IMMP2L: variants seen among roughly 807,000 people sequenced by gnomAD.
IMMP2L encodes the protein mitochondrial inner membrane protease subunit 2.
A neutral mutation model predicts 19.3 loss-of-function variants in IMMP2L; 18 were observed. That is an observed-to-expected ratio of 0.93 (90% confidence interval 0.64 to 1.38). The LOEUF is 1.38. IMMP2L is among the 40% of genes most tolerant of loss of function. IMMP2L has a pLI of 0.00. For synonymous variants in IMMP2L, 76 were observed against 73.0 expected, an observed-to-expected ratio of 1.04 and a Z score of -0.21; for missense variants, 233 against 218.2, an observed-to-expected ratio of 1.07 and a Z score of -0.43.
At chr7:111,079,836 A>T (rs1795742039) in intron 3 of IMMP2L, among the ~76,000 whole-genome samples, 1 of 152,304 alleles carries the variant, frequency 6.6e-6, no homozygotes, top group Non-Finnish European at 1.5e-5. Flanking sequence ...AATTTGGTTT[A>T]GATAAAGTCA....
chr7:111,403,901 T>C (rs1833686838), intron 3 of IMMP2L, among the ~76,000 whole-genome samples: 1 of 152,152 alleles, frequency 6.6e-6, no homozygotes, highest in African/African-American at 2.4e-5. Flanking sequence ...CCATGCCACT[T>C]GGAAGTCTTT....
intron 5 of IMMP2L, among the ~76,000 whole-genome samples, chr7:110,774,428 A>G (rs980257166): frequency 2.0e-5 from 3 of 152,076 alleles, no homozygotes; most frequent in African/African-American, 7.2e-5. Context: ...TAAAAATATT[A>G]CTTTAACAGT....
chr7:110,992,798 T>C (rs1220433138), intron 3 of IMMP2L, among the ~76,000 whole-genome samples: 1 of 152,156 alleles, frequency 6.6e-6, no homozygotes, highest in East Asian at 1.9e-4. Flanking sequence ...AATAATGCTA[T>C]AATTAATGCT....
At chr7:111,074,270 T>G (rs1272206640) in intron 3 of IMMP2L, among the ~76,000 whole-genome samples, 1 of 152,244 alleles carries the variant, frequency 6.6e-6, no homozygotes, top group African/African-American at 2.4e-5. Context: ...CTGTCATCTT[T>G]CCACCTACAA....
chr7:110,773,726 G>A (rs1164286378), intron 5 of IMMP2L, among the ~76,000 whole-genome samples: 1 of 152,022 alleles, frequency 6.6e-6, no homozygotes, highest in Non-Finnish European at 1.5e-5. Flanking sequence ...TGAGTTCTTA[G>A]GTGAGAAAGG....
At chr7:111,206,082 T>C (rs1810674095) in intron 3 of IMMP2L, among the ~76,000 whole-genome samples, 1 of 152,170 alleles carries the variant, frequency 6.6e-6, no homozygotes, top group Admixed American at 6.5e-5. Flanking sequence ...AATCTGTTTT[T>C]CTAATGGCAC....
At chr7:111,268,256 T>A in intron 3 of IMMP2L, among the ~76,000 whole-genome samples, 1 of 151,966 alleles carries the variant, frequency 6.6e-6, no homozygotes, top group African/African-American at 2.4e-5. Flanking sequence ...ATGCAACCAA[T>A]CAATAACATT....
At chr7:110,847,942 A>C (rs1805830723) in intron 5 of IMMP2L, among the ~76,000 whole-genome samples, 1 of 152,180 alleles carries the variant, frequency 6.6e-6, no homozygotes, top group Non-Finnish European at 1.5e-5. Context: ...AATGTAAAAC[A>C]CAAAGTTATA....
At chr7:110,699,621 A>T (rs1191847447) in intron 5 of IMMP2L, among the ~76,000 whole-genome samples, 11 of 152,088 alleles carry the variant, frequency 7.2e-5, no homozygotes, top group African/African-American at 2.4e-4. Context: ...AAATACAAAA[A>T]TTAGCTGGGC....
At chr7:111,377,447 C>A (rs914620406) in intron 3 of IMMP2L, among the ~76,000 whole-genome samples, 1 of 151,902 alleles carries the variant, frequency 6.6e-6, no homozygotes, top group African/African-American at 2.4e-5. Flanking sequence ...TATAATACAG[C>A]TCTATGATAC....
chr7:111,211,373 GA>G (rs1402456912), intron 3 of IMMP2L, among the ~76,000 whole-genome samples: 1 of 151,724 alleles, frequency 6.6e-6, no homozygotes, highest in East Asian at 1.9e-4. Context: ...AGACGAAAAT[GA>G]AGAAAAAAAA....
intron 3 of IMMP2L, among the ~76,000 whole-genome samples, chr7:111,169,181 C>A (rs1806163619): frequency 6.6e-6 from 1 of 151,718 alleles, no homozygotes; most frequent in South Asian, 2.1e-4. Context: ...GTGACCTGAC[C>A]AAAGAAAAAG....
At chr7:110,912,968 C>T (rs887800943) in intron 4 of IMMP2L, among the ~76,000 whole-genome samples, 6 of 151,936 alleles carry the variant, frequency 3.9e-5, no homozygotes, top group South Asian at 2.1e-4. Context: ...TAGTGGCAAA[C>T]GACATTGTGG....
intron 3 of IMMP2L, among the ~76,000 whole-genome samples, chr7:111,333,003 T>A (rs1279239443): frequency 6.6e-6 from 1 of 152,070 alleles, no homozygotes; most frequent in African/African-American, 2.4e-5. Flanking sequence ...CCATGCCCTC[T>A]GATTAAGGTC....
chr7:111,181,802 T>C (rs951842585), intron 3 of IMMP2L, among the ~76,000 whole-genome samples: 1 of 151,998 alleles, frequency 6.6e-6, no homozygotes, highest in African/African-American at 2.4e-5. Flanking sequence ...TAATAAAGTA[T>C]ACTAAGGGTT....
intron 3 of IMMP2L, among the ~76,000 whole-genome samples, chr7:111,398,625 A>G (rs1330419802): frequency 6.6e-6 from 1 of 152,092 alleles, no homozygotes; most frequent in East Asian, 1.9e-4. Context: ...TCCTAGACAG[A>G]GCAAACAGAC....
intron 2 of IMMP2L, among the ~76,000 whole-genome samples, chr7:111,497,904 AATAAT>A (rs1843745491): frequency 6.6e-6 from 1 of 151,592 alleles, no homozygotes; most frequent in African/African-American, 2.4e-5. Flanking sequence ...AGTATTATAT[AATAAT>A]ATATTTAAAA....
chr7:110,739,445 C>G (rs1796852187), intron 5 of IMMP2L, among the ~76,000 whole-genome samples: 2 of 152,166 alleles, frequency 1.3e-5, no homozygotes, highest in South Asian at 2.1e-4. Flanking sequence ...AATTTTAAAG[C>G]AACAGCAGTT....
chr7:110,909,859 T>C (rs1189472171), intron 4 of IMMP2L, among the ~76,000 whole-genome samples: 1 of 151,470 alleles, frequency 6.6e-6, no homozygotes, highest in Non-Finnish European at 1.5e-5. Context: ...CTTACTTCTG[T>C]GAGTTAGAAA....
Sources: gnomAD v4.1 joint callset for allele counts (sites outside exome capture counted in the v4.1 genomes callset) on GRCh38, gnomAD v4.1.1 for gene constraint, MANE v1.5 for transcripts, NCBI Gene and HGNC (gene_info 2026-07-23, HGNC 2026-07-21) for gene names.